The following COQ7 variants were observed in gnomAD, a reference collection of about 807,000 sequenced individuals.
The protein encoded by COQ7 is coenzyme Q7, hydroxylase, also known as NADPH-dependent 3-demethoxyubiquinone 3-hydroxylase, mitochondrial.
In COQ7, 21 loss-of-function variants were observed where a neutral mutation model predicts 25.0. The ratio of observed to expected loss-of-function variants is 0.84; its 90% CI spans 0.60 to 1.21. The LOEUF is 1.21. Among genes scored for constraint, COQ7 ranks in the 50% most tolerant of loss-of-function variants. COQ7 has a pLI of 0.00. For missense variants in COQ7, 311 were observed against 296.2 expected, an observed-to-expected ratio of 1.05 and a Z score of -0.37; for synonymous variants, 125 against 112.4, an observed-to-expected ratio of 1.11 and a Z score of -0.71.
At position 19,078,479 on chromosome 16, in the gene COQ7, T is replaced by C. The variant is rs1434484170; in HGVS notation, c.*321T>C. 6.4e-6 allele frequency: 1 copy of C among 155,854 alleles called. No homozygotes were observed. Among genetic ancestry groups the C allele is most frequent in the African/African-American group, 2.4e-5 (1 of 41,554 alleles). 9.7% of individuals were successfully genotyped at this position (155,854 alleles called of 1,614,324 possible). On this transcript the variant is annotated 3_prime_UTR_variant, in exon 6 of 6. Coordinates refer to ENST00000321998, the MANE Select transcript of COQ7 (RefSeq NM_016138.5). ...TATATATATATTTTATTTTATTTTA[T>C]GTTTTTTGGAGACAGGGCCTCGCTC...
downstream of COQ7, among the ~76,000 whole-genome samples, chr16:19,081,996 G>A (rs1388876820): frequency 1.3e-5 from 2 of 151,918 alleles, no homozygotes; most frequent in African/African-American, 4.8e-5. Flanking sequence ...ACTCCAGCCT[G>A]GGCAACAAGA....
At chr16:19,067,902 G>T in intron 1 of COQ7, 165 bp downstream of exon 1, 1 of 1,495,046 alleles carries the variant, frequency 6.7e-7, no homozygotes, top group South Asian at 1.3e-5. Context: ...GGCGGGCGGG[G>T]CGGGGTCTGT....
chr16:19,075,876 C>T lies in COQ7; in HGVS notation c.507+16C>T. 1.2e-6 allele frequency: 2 copies of T among 1,614,096 alleles called. No individual in the cohort carries two copies. Among genetic ancestry groups the T allele is most frequent in the Non-Finnish European group, 1.7e-6 (2 of 1,179,988 alleles). ...ACTTCTTCAGGTATTTATCCGTGCT[C>T]TAGAACGGGGCTGCTCAAGGAGGAA... is the stretch of plus-strand genomic sequence containing the variant. On this transcript the variant is annotated intron_variant, in intron 4 of 5. Coordinates refer to ENST00000321998, the MANE Select transcript of COQ7 (RefSeq NM_016138.5).
chr16:19,078,131 G>A lies in COQ7; in HGVS notation c.627G>A (p.Val209=), dbSNP rs1962958159. 2 of 1,611,442 alleles carry A rather than the reference G, an allele frequency of 1.2e-6. No individual in the cohort carries two copies. Among genetic ancestry groups the A allele is most frequent in the African/African-American group, 1.3e-5 (1 of 74,658 alleles). The change falls in exon 6 of 6, where the codon GTG becomes GTA. Residue 209 remains valine (V), a synonymous_variant. Transcript: ENST00000321998. ...LKSIIQAGCR[V]AIYLSERL The stretch of plus-strand genomic sequence containing the variant: ...GCATTATCCAGGCCGGATGCAGAGT[G>A]GCGATATATTTATCAGAAAGATTAT...
chr16:19,068,659 CAAAAA>C (rs35036144), intron 1 of COQ7: 1,018 of 179,348 alleles, frequency 5.7e-3, no homozygotes, highest in South Asian at 0.013. Flanking sequence ...CTCCCCCGCG[CAAAAA>C]AAAAAAAAAA....
chr16:19,068,785 T>C, intron 1 of COQ7: 1 of 387,462 alleles, frequency 2.6e-6, no homozygotes, highest in Admixed American at 3.1e-5. Context: ...ATGTGTTTTT[T>C]TGTATAGCTA....
chr16:19,072,517 GCT>G lies in COQ7; in HGVS notation c.252+417_252+418del, dbSNP rs138572579. On this transcript the variant is annotated intron_variant, in intron 2 of 5. Coordinates refer to ENST00000321998, the MANE Select transcript of COQ7 (RefSeq NM_016138.5). Reference sequence around the variant, plus strand: ...TTACACAGACCTGGTTCACATTTTGGCTCTCTCCCACCTCCTACCTGTGCGAC... The same window carrying G: ...TTACACAGACCTGGTTCACATTTTGGCTCTCCCACCTCCTACCTGTGCGAC... The G allele has an allele frequency of 4.8e-3, 802 of 165,924 alleles. 6 individuals carry two copies. The highest frequency in any genetic ancestry group is 0.018 in the African/African-American group (753 of 41,846). 10.3% of individuals were successfully genotyped at this position (165,924 alleles called of 1,614,324 possible). A position where few individuals can be genotyped will look rare whatever the true frequency, so the allele number is the denominator to read the frequency against.
chr16:19,078,280 T>A lies in COQ7; in HGVS notation c.*122T>A. Reference sequence around the variant, plus strand: ...CAATGTGAATTTTGTTAATAAATTATAAGGTTTGTTTTTTTTTTTTTAAAC... The same window carrying A: ...CAATGTGAATTTTGTTAATAAATTAAAAGGTTTGTTTTTTTTTTTTTAAAC... On this transcript the variant is annotated 3_prime_UTR_variant, in exon 6 of 6. Coordinates refer to ENST00000321998, the MANE Select transcript of COQ7 (RefSeq NM_016138.5). 1 of 747,848 alleles carries A rather than the reference T, an allele frequency of 1.3e-6. No individual in the cohort carries two copies. The highest frequency in any genetic ancestry group is 2.0e-6 in the Non-Finnish European group (1 of 510,254). The allele number at this position is 747,848 out of a possible 1,614,324, so 46.3% of individuals were successfully genotyped here.
In COQ7 at chr16:19,072,012, T is replaced by C; in HGVS notation, c.158T>C (p.Ile53Thr). The C allele has an allele frequency of 6.2e-7, 1 of 1,614,204 alleles. No individual in the cohort carries two copies. Among genetic ancestry groups the C allele is most frequent in the Middle Eastern group, 1.6e-4 (1 of 6,062 alleles). Residue 53 changes from isoleucine (I) to threonine (T), a missense_variant, in exon 2 of 6, where the codon ATC (isoleucine) becomes ACC (threonine). Transcript: ENST00000321998. The stretch of plus-strand genomic sequence containing the variant: ...AGTCGGGCAGCTGTGGATCGAATAA[T>C]CCGGGTGGATCATGCAGGCGAATAT... Reference protein sequence around the residue: ...NISRAAVDRIIRVDHAGEYGA... With the variant: ...NISRAAVDRITRVDHAGEYGA...
chr16:19,067,673 C>T lies in COQ7; in HGVS notation c.9C>T (p.Cys3=), dbSNP rs369616615. 7.4e-6 allele frequency: 12 copies of T among 1,612,658 alleles called. No homozygotes were observed. The highest frequency in any genetic ancestry group is 5.5e-5 in the South Asian group (5 of 91,064). Residue 3 remains cysteine (C), a synonymous_variant, in exon 1 of 6, where the codon TGC becomes TGT. Transcript: ENST00000321998. The stretch of plus-strand genomic sequence containing the variant: ...TTTTTTTAGTTCCGGCAATGAGTTG[C>T]GCCGGGGCGGCGGCGGCTCCCCGCC... MS[C]AGAAAAPRLW...
At chr16:19,072,967 T>C (rs1962639955) in intron 2 of COQ7, among the ~76,000 whole-genome samples, 1 of 152,104 alleles carries the variant, frequency 6.6e-6, no homozygotes, top group Non-Finnish European at 1.5e-5. Flanking sequence ...GCCCAGGAGT[T>C]TGAGACCAGC....
At chr16:19,080,686 A>G (rs992823184), downstream of COQ7, among the ~76,000 whole-genome samples, 1 of 152,040 alleles carries the variant, frequency 6.6e-6, no homozygotes, top group African/African-American at 2.4e-5. Context: ...ATATATTAAT[A>G]TATGTTCCAA....
At position 19,079,990 on chromosome 16, in the gene COQ7, AC is replaced by A. The variant is rs998791905; in HGVS notation, c.*1833del. 85 of 152,398 alleles carry A rather than the reference AC, an allele frequency of 5.6e-4. No homozygotes were observed. The highest frequency in any genetic ancestry group is 2.0e-3 in the African/African-American group (85 of 41,594). 9.4% of individuals were successfully genotyped at this position (152,398 alleles called of 1,614,324 possible). Reference sequence around the variant, plus strand: ...TGGATGGTTTGTAAAAATTAATCTTACAAAATAAATGCTGTGTGTGAACACG... The same window carrying A: ...TGGATGGTTTGTAAAAATTAATCTTAAAAATAAATGCTGTGTGTGAACACG... On this transcript the variant is annotated 3_prime_UTR_variant, in exon 6 of 6. Coordinates refer to ENST00000321998, the MANE Select transcript of COQ7 (RefSeq NM_016138.5).
intron 5 of COQ7, among the ~76,000 whole-genome samples, chr16:19,077,704 G>T (rs932637061): frequency 6.8e-6 from 1 of 147,266 alleles, no homozygotes; most frequent in South Asian, 2.2e-4. Context: ...TTCTGCCTCA[G>T]CCTCCCAAGT....
At chr16:19,067,834 C>T (rs1314025585) in intron 1 of COQ7, 97 bp downstream of exon 1, 2 of 1,530,792 alleles carry the variant, frequency 1.3e-6, no homozygotes, top group South Asian at 1.2e-5. Context: ...GGGAGAGGTT[C>T]GTAACGTCAC....
At chr16:19,068,499 A>G (rs975398279) in intron 1 of COQ7, 3 of 649,602 alleles carry the variant, frequency 4.6e-6, no homozygotes, top group Non-Finnish European at 5.8e-6. Context: ...TAAAAATACA[A>G]AAATTTGCCA....
downstream of COQ7, among the ~76,000 whole-genome samples, chr16:19,082,935 G>A (rs1036570968): frequency 3.9e-5 from 6 of 151,966 alleles, no homozygotes; most frequent in East Asian, 3.9e-4. Context: ...ATTAGTGGTC[G>A]TCTAGGGCTG....
Position 19,077,590 on chromosome 16 carries a change from C to CTTTTTTTTTTTT in COQ7, c.576+219_576+230dup, listed in dbSNP as rs60523088. Among the ~76,000 whole-genome samples the CTTTTTTTTTTTT allele has an allele frequency of 4.8e-3, 357 of 74,342 alleles. 86 individuals are homozygous for CTTTTTTTTTTTT. In the Admixed American group the frequency reaches 0.057, roughly 12 times the overall value. The allele number at this position is 74,342 out of a possible 152,430, so 48.8% of individuals were successfully genotyped here. A position where few individuals can be genotyped will look rare whatever the true frequency, so the allele number is the denominator to read the frequency against. On this transcript the variant is annotated intron_variant, in intron 5 of 5. Transcript: ENST00000321998. ...TATGCCTTCTCCTTTTCCCCAGAAG[C>CTTTTTTTTTTTT]TTTTTTTTTTTTTTCCCAGACACAG... is the stretch of plus-strand genomic sequence containing the variant.
At chr16:19,077,589 G>GATTTTTTTTTTTTTT (rs1413837387) in intron 5 of COQ7, among the ~76,000 whole-genome samples, 1 of 18,608 alleles carries the variant, frequency 5.4e-5, no homozygotes, top group African/African-American at 1.0e-4. Context: ...TTCCCCAGAA[G>GATTTTTTTTTTTTTT]CTTTTTTTTT....
Sources: gnomAD v4.1 joint callset for allele counts (sites outside exome capture counted in the v4.1 genomes callset) on GRCh38, gnomAD v4.1.1 for gene constraint, MANE v1.5 for transcripts, NCBI Gene and HGNC (gene_info 2026-07-23, HGNC 2026-07-21) for gene names.